The following ZCCHC24 variants were observed in gnomAD, a reference collection of about 807,000 sequenced individuals.
ZCCHC24 encodes the protein zinc finger CCHC domain-containing protein 24.
Under a neutral mutation model 26.2 loss-of-function variants are expected in ZCCHC24, and 10 were observed. The ratio of observed to expected loss-of-function variants is 0.38; its 90% CI spans 0.24 to 0.65. The LOEUF is 0.65. Ranked by LOEUF, ZCCHC24 falls within the 30% of genes least tolerant of loss-of-function variation. The probability of loss-of-function intolerance (pLI) is 0.54; values close to 1 mark genes in which losing one functional copy is unlikely to be tolerated. For synonymous variants in ZCCHC24, 144 were observed against 147.1 expected, an observed-to-expected ratio of 0.98 and a Z score of 0.15; for missense variants, 243 against 329.1, an observed-to-expected ratio of 0.74 and a Z score of 2.03.
rs1589683939 is a variant in ZCCHC24, at chr10:79,445,124, C to G, written c.246+71G>C. ...GCCAGGCCAGGAAGAGCGGGTCAGA[C>G]AGGGAACGGCCCGCCACGGTGGGGC... is the stretch of plus-strand genomic sequence containing the variant. On this transcript the variant is annotated intron_variant, in intron 1 of 3. Transcript: ENST00000372336. 8 of 1,170,664 alleles carry G rather than the reference C, an allele frequency of 6.8e-6. No homozygotes were observed. In the Admixed American group the frequency reaches 4.2e-4, roughly 62 times the overall value. The allele number at this position is 1,170,664 out of a possible 1,614,324, so 72.5% of individuals were successfully genotyped here. A position where few individuals can be genotyped will look rare whatever the true frequency, so the allele number is the denominator to read the frequency against.
chr10:79,412,734 G>T (rs796921307), intron 2 of ZCCHC24, among the ~76,000 whole-genome samples: 11 of 152,310 alleles, frequency 7.2e-5, no homozygotes, highest in African/African-American at 2.6e-4. Flanking sequence ...TGCGGTCCTG[G>T]AGACCTGGGT....
chr10:79,432,701 C>T lies in ZCCHC24; in HGVS notation c.304G>A (p.Ala102Thr), dbSNP rs774754024. 2.5e-6 allele frequency: 4 copies of T among 1,608,620 alleles called. No individual in the cohort carries two copies. Among genetic ancestry groups the T allele is most frequent in the African/African-American group, 1.3e-5 (1 of 74,628 alleles). Residue 102 changes from alanine to threonine, a missense_variant, in exon 2 of 4, where the codon GCC (alanine) becomes ACC (threonine). Ala to Thr is a moderately conservative substitution (Grantham distance 58). Around this residue, in one of 2 missense-constraint regions of ZCCHC24, gnomAD observed 147 missense variants for 150.8 expected, o/e 0.97. Transcript: ENST00000372336. Reference sequence around the variant, plus strand: ...TCGGTGAGGGAGCTGAGGCCATCGGCGATGTTGTTGAGGGAGCCATAGGGT... The same window carrying T: ...TCGGTGAGGGAGCTGAGGCCATCGGTGATGTTGTTGAGGGAGCCATAGGGT... ...ASPYGSLNNI[A>T]DGLSSLTEHF...
At chr10:79,435,933 C>T (rs1373123821) in intron 1 of ZCCHC24, among the ~76,000 whole-genome samples, 3 of 152,164 alleles carry the variant, frequency 2.0e-5, no homozygotes, top group African/African-American at 4.8e-5. Context: ...CCCTCCTGCT[C>T]GGAGCTGGGG....
chr10:79,391,526 G>A (rs1564631644), intron 3 of ZCCHC24, among the ~76,000 whole-genome samples: 2 of 151,942 alleles, frequency 1.3e-5, no homozygotes, highest in Non-Finnish European at 2.9e-5. Flanking sequence ...AAGTCACAGT[G>A]GGGGTCGTAA....
chr10:79,386,557 G>A (rs1856400734), intron 3 of ZCCHC24, 99 bp from the exon 4 acceptor site: 1 of 917,832 alleles, frequency 1.1e-6, no homozygotes, highest in Non-Finnish European at 1.6e-6. Context: ...AGACAGGTGA[G>A]ACAGGTACAC....
intron 2 of ZCCHC24, chr10:79,403,703 G>T: frequency 1.4e-6 from 1 of 726,662 alleles, no homozygotes; most frequent in Non-Finnish European, 1.7e-6. Flanking sequence ...CTGCAGCCCA[G>T]CATGGGCCCA....
intron 2 of ZCCHC24, among the ~76,000 whole-genome samples, chr10:79,402,846 G>T (rs1010528068): frequency 9.2e-5 from 14 of 152,198 alleles, no homozygotes; most frequent in Non-Finnish European, 1.9e-4. Context: ...ACGGTTGAGA[G>T]AAAATTAAAG....
rs191015396 is a variant in ZCCHC24 at position 79,418,821 on chromosome 10, A to C, written c.447+13737T>G. On this transcript the variant is annotated intron_variant, in intron 2 of 3. Transcript: ENST00000372336. ...AGGGCCTTAAAACCAGGTTCTGGGG[A>C]AGGGGTGCTGTCCTGACAAGTTAGG... 9.1e-3 allele frequency among the ~76,000 whole-genome samples: 1,391 copies of C among 152,224 alleles called. 20 individuals are homozygous for C. Among genetic ancestry groups the C allele is most frequent in the Non-Finnish European group, 0.011 (762 of 67,996 alleles).
At chr10:79,432,842 C>G in intron 1 of ZCCHC24, 84 bp from the exon 2 acceptor site, 1 of 1,427,146 alleles carries the variant, frequency 7.0e-7, no homozygotes, top group Non-Finnish European at 9.4e-7. Context: ...CGCATGGATT[C>G]ACACTGAGTC....
In ZCCHC24 at chr10:79,435,994, G is replaced by A. The variant is rs1212345173; in HGVS notation, c.247-3236C>T. ...TACAGTGTAAAATGGAGCGGGGAAG[G>A]GGGAAGAAGGGTGACCTTGCTGATC... On this transcript the variant is annotated intron_variant, in intron 1 of 3. Coordinates refer to ENST00000372336, the MANE Select transcript of ZCCHC24 (RefSeq NM_153367.4). Among the ~76,000 whole-genome samples the A allele has an allele frequency of 2.6e-5, 4 of 152,306 alleles. No homozygotes were observed. In the South Asian group the frequency reaches 6.2e-4, roughly 24 times the overall value.
At chr10:79,387,325 G>C (rs1217132946) in intron 3 of ZCCHC24, among the ~76,000 whole-genome samples, 1 of 152,202 alleles carries the variant, frequency 6.6e-6, no homozygotes, top group Non-Finnish European at 1.5e-5. Context: ...GATCCAGAGA[G>C]ACGTCTGGGA....
At chr10:79,394,494 C>T (rs1197048335) in intron 2 of ZCCHC24, 54 bp from the exon 3 acceptor site, 6 of 1,586,048 alleles carry the variant, frequency 3.8e-6, no homozygotes, top group Admixed American at 1.7e-5. Context: ...CAAGATGATG[C>T]CCCACAGGGT....
At position 79,386,484 on chromosome 10, in the gene ZCCHC24, CA is replaced by C. The variant is rs764437963; in HGVS notation, c.613-27del. The C allele has an allele frequency of 1.3e-5, 20 of 1,558,358 alleles. No individual in the cohort carries two copies. In the East Asian group the frequency reaches 4.3e-4, roughly 34 times the overall value. ...CTGCAGAGAGAAGGAGGAAGGGGCC[CA>C]GGGGAGTGAGGGGAGAGAAAGACAG... is the stretch of plus-strand genomic sequence containing the variant. On this transcript the variant is annotated intron_variant, in intron 3 of 3. Coordinates refer to ENST00000372336, the MANE Select transcript of ZCCHC24 (RefSeq NM_153367.4).
chr10:79,421,437 C>CCCCCCCCTCCCTTCCT (rs1856934411), intron 2 of ZCCHC24, among the ~76,000 whole-genome samples: 19 of 123,034 alleles, frequency 1.5e-4, no homozygotes, highest in South Asian at 3.0e-4. Flanking sequence ...CTCTCCCTTC[C>CCCCCCCCTCCCTTCCT]CCCTCCCTCC....
chr10:79,392,188 A>G (rs1245719826), intron 3 of ZCCHC24, among the ~76,000 whole-genome samples: 1 of 151,802 alleles, frequency 6.6e-6, no homozygotes, highest in Admixed American at 6.6e-5. Context: ...TGCCCCGTGG[A>G]CCCTCCGTAC....
At chr10:79,404,676 T>C (rs549145204) in intron 2 of ZCCHC24, among the ~76,000 whole-genome samples, 6 of 152,286 alleles carry the variant, frequency 3.9e-5, no homozygotes, top group Admixed American at 2.6e-4. Flanking sequence ...ACTGCACCTC[T>C]CTCTCCTGCT....
At chr10:79,413,286 T>C (rs1331710042) in intron 2 of ZCCHC24, among the ~76,000 whole-genome samples, 1 of 152,226 alleles carries the variant, frequency 6.6e-6, no homozygotes, top group Non-Finnish European at 1.5e-5. Flanking sequence ...GGAGAGACTT[T>C]TTCAAGGTCA....
At chr10:79,429,924 G>A (rs1857103137) in intron 2 of ZCCHC24, among the ~76,000 whole-genome samples, 2 of 152,130 alleles carry the variant, frequency 1.3e-5, no homozygotes, top group Non-Finnish European at 2.9e-5. Context: ...CCTTGAGCTG[G>A]CGTGGTCAGA....
intron 1 of ZCCHC24, among the ~76,000 whole-genome samples, chr10:79,434,333 G>A (rs946444517): frequency 1.3e-5 from 2 of 152,206 alleles, no homozygotes; most frequent in Non-Finnish European, 2.9e-5. Context: ...CCTGCGTTCA[G>A]CCTGATGGGC....
Sources: gnomAD v4.1 joint callset for allele counts (sites outside exome capture counted in the v4.1 genomes callset) on GRCh38, gnomAD v4.1.1 for gene constraint, gnomAD v4.1.1 regional missense constraint, MANE v1.5 for transcripts, NCBI Gene and HGNC (gene_info 2026-07-23, HGNC 2026-07-21) for gene names.